The following TMED10 variants were observed in gnomAD, a reference collection of about 807,000 sequenced individuals.
The protein encoded by TMED10 is transmembrane emp24 domain-containing protein 10.
Under a neutral mutation model 23.1 loss-of-function variants are expected in TMED10, and 7 were observed. The ratio of observed to expected loss-of-function variants is 0.30; its 90% CI spans 0.17 to 0.57. The LOEUF (loss-of-function observed/expected upper bound fraction) is 0.57, where lower values mean the gene tolerates loss of function less well. Among genes scored for constraint, TMED10 ranks in the 20% least tolerant of loss-of-function variants. TMED10 has a pLI of 0.91. For synonymous variants in TMED10, 113 were observed against 106.9 expected, an observed-to-expected ratio of 1.06 and a Z score of -0.35; for missense variants, 162 against 274.8, an observed-to-expected ratio of 0.59 and a Z score of 2.90.
At chr14:75,136,473 G>A (rs1328304246) in intron 3 of TMED10, among the ~76,000 whole-genome samples, 1 of 152,108 alleles carries the variant, frequency 6.6e-6, no homozygotes, top group Non-Finnish European at 1.5e-5. Context: ...TTTGACTTTA[G>A]TAAAGCACTT....
intron 1 of TMED10, among the ~76,000 whole-genome samples, chr14:75,154,125 C>G (rs1895990103): frequency 6.7e-6 from 1 of 149,638 alleles, no homozygotes. Context: ...TGCAGTGGCT[C>G]ACGCACCTGT....
chr14:75,173,637 T>C (rs1387129045), intron 1 of TMED10, among the ~76,000 whole-genome samples: 2 of 152,204 alleles, frequency 1.3e-5, no homozygotes, highest in East Asian at 3.8e-4. Flanking sequence ...TTAAGCTGGT[T>C]AGTAGCAAAA....
intron 3 of TMED10, among the ~76,000 whole-genome samples, chr14:75,137,395 G>A (rs1447178643): frequency 5.3e-5 from 8 of 149,650 alleles, no homozygotes; most frequent in Non-Finnish European, 8.9e-5. Context: ...GTTTCTGGCC[G>A]GGTGTGGTGG....
chr14:75,155,052 G>A (rs539018970), intron 1 of TMED10, among the ~76,000 whole-genome samples: 11 of 151,486 alleles, frequency 7.3e-5, no homozygotes, highest in East Asian at 5.9e-4. Context: ...TCCGCCTTCC[G>A]GATTCAAGTG....
rs191073107 is a variant in TMED10 at position 75,133,871 on chromosome 14, C to A, written c.*1014G>T. 161 of 328,222 alleles carry A rather than the reference C, an allele frequency of 4.9e-4. No individual in the cohort carries two copies. The highest frequency in any genetic ancestry group is 8.6e-4 in the Non-Finnish European group (149 of 173,138). 20.3% of individuals were successfully genotyped at this position (328,222 alleles called of 1,614,324 possible). A position where few individuals can be genotyped will look rare whatever the true frequency, so the allele number is the denominator to read the frequency against. On this transcript the variant is annotated 3_prime_UTR_variant, in exon 5 of 5. Coordinates refer to ENST00000303575, the MANE Select transcript of TMED10 (RefSeq NM_006827.6). ...GATGCAATATATGCATGTAAGAAAT[C>A]TGTACTTATACCCCCTAAATATATA...
chr14:75,176,320 C>A, intron 1 of TMED10, 35 bp downstream of exon 1: 1 of 1,611,642 alleles, frequency 6.2e-7, no homozygotes, highest in South Asian at 1.1e-5. Context: ...AGCCTGCCGT[C>A]TTCCCTCCCG....
rs1238082280 is a variant in TMED10 at position 75,176,495 on chromosome 14, C to G, written c.85G>C (p.Val29Leu). The G allele has an allele frequency of 6.2e-7, 1 of 1,614,182 alleles. No individual in the cohort carries two copies. Among genetic ancestry groups the G allele is most frequent in the Admixed American group, 1.7e-5 (1 of 60,016 alleles). The change falls in exon 1 of 5, where the codon GTC (valine) becomes CTC (leucine). Residue 29 changes from valine to leucine, a missense_variant. By Grantham distance (32) the Val-to-Leu change is conservative (BLOSUM62 1). Transcript: ENST00000303575. The part of the protein sequence containing the change: ...LLLFLLGPRL[V>L]LAISFHLPIN... ...GGCAGATGGAAGGAGATGGCAAGGA[C>G]CAATCTGGGGCCGAGCAGGAACAAA...
chr14:75,157,454 C>A (rs1896032773), intron 1 of TMED10, among the ~76,000 whole-genome samples: 1 of 151,992 alleles, frequency 6.6e-6, no homozygotes, highest in South Asian at 2.1e-4. Context: ...GAGTTTGAGA[C>A]CAGCCTGGGC....
intron 2 of TMED10, chr14:75,148,009 G>T (rs1489552082): frequency 5.8e-6 from 3 of 521,028 alleles, no homozygotes; most frequent in Non-Finnish European, 1.0e-5. Flanking sequence ...ACAAGATACT[G>T]CAACTGGTAC....
chr14:75,162,902 G>T (rs1162170040), intron 1 of TMED10, among the ~76,000 whole-genome samples: 1 of 151,850 alleles, frequency 6.6e-6, no homozygotes, highest in Admixed American at 6.6e-5. Context: ...ATGCCCAATA[G>T]AGGGCAACCT....
chr14:75,170,433 A>G (rs1187162083), intron 1 of TMED10, among the ~76,000 whole-genome samples: 2 of 152,236 alleles, frequency 1.3e-5, no homozygotes, highest in Non-Finnish European at 2.9e-5. Context: ...CTGAGGTCAG[A>G]GGATAGACAT....
At chr14:75,135,657 AC>A in intron 4 of TMED10, 102 bp downstream of exon 4, 1 of 1,502,190 alleles carries the variant, frequency 6.7e-7, no homozygotes, top group Non-Finnish European at 8.9e-7. Context: ...CCCTCCATAT[AC>A]CCACCTTGGC....
rs1458431326 is a variant in TMED10, at chr14:75,149,161, C to T, written c.338-1424G>A. On this transcript the variant is annotated intron_variant, in intron 2 of 4. Transcript: ENST00000303575. Reference sequence around the variant, plus strand: ...GGAACTCCTGGGCTCAAGCGATCCTCCTGCCTCAGCCTCCCAAAGTGCTGG... The same window carrying T: ...GGAACTCCTGGGCTCAAGCGATCCTTCTGCCTCAGCCTCCCAAAGTGCTGG... Among the ~76,000 whole-genome samples, 5 of 152,244 alleles carry T rather than the reference C, an allele frequency of 3.3e-5. No individual in the cohort carries two copies. The East Asian group carries it at 9.6e-4, about 29-fold the overall frequency.
At chr14:75,154,121 G>A (rs931322617) in intron 1 of TMED10, among the ~76,000 whole-genome samples, 5 of 149,828 alleles carry the variant, frequency 3.3e-5, no homozygotes, top group African/African-American at 1.2e-4. Flanking sequence ...CAGGTGCAGT[G>A]GCTCACGCAC....
chr14:75,147,185 G>GTTGTTTTTTTTTT (rs1895894758), intron 3 of TMED10, among the ~76,000 whole-genome samples: 1 of 116,634 alleles, frequency 8.6e-6, no homozygotes. Context: ...CTTCAAGGCT[G>GTTGTTTTTTTTTT]TTTTTTTTTT....
intron 1 of TMED10, among the ~76,000 whole-genome samples, chr14:75,161,587 C>A (rs145708371): frequency 6.6e-6 from 1 of 152,254 alleles, no homozygotes; most frequent in African/African-American, 2.4e-5. Flanking sequence ...TCATTTTCAA[C>A]CATCATCTTG....
intron 1 of TMED10, among the ~76,000 whole-genome samples, chr14:75,164,249 T>G (rs1176189293): frequency 6.8e-6 from 1 of 146,490 alleles, no homozygotes; most frequent in Non-Finnish European, 1.5e-5. Context: ...TTTTTTTTTT[T>G]GAGACAGAGA....
At chr14:75,173,134 C>G (rs568903802) in intron 1 of TMED10, among the ~76,000 whole-genome samples, 3 of 152,162 alleles carry the variant, frequency 2.0e-5, no homozygotes, top group Non-Finnish European at 4.4e-5. Context: ...GCCTGTAATC[C>G]GAGCACTTTG....
chr14:75,156,830 G>A (rs1896024208), intron 1 of TMED10, among the ~76,000 whole-genome samples: 1 of 151,678 alleles, frequency 6.6e-6, no homozygotes, highest in Non-Finnish European at 1.5e-5. Context: ...TTGGGAGGCT[G>A]AGGCAGGAGA....
Sources: gnomAD v4.1 joint callset for allele counts (sites outside exome capture counted in the v4.1 genomes callset) on GRCh38, gnomAD v4.1.1 for gene constraint, MANE v1.5 for transcripts, NCBI Gene and HGNC (gene_info 2026-07-23, HGNC 2026-07-21) for gene names.